VPS13B: variants seen among roughly 807,000 people sequenced by gnomAD.
VPS13B encodes intermembrane lipid transfer protein VPS13B.
A neutral mutation model predicts 426.4 loss-of-function variants in VPS13B; 285 were observed. That is an observed-to-expected ratio of 0.67 (90% CI 0.61 to 0.74). The LOEUF is 0.74. VPS13B is among the 30% of genes least tolerant of loss of function. The probability of loss-of-function intolerance (pLI) is 0.00; values close to 1 mark genes in which losing one functional copy is unlikely to be tolerated. For missense variants in VPS13B, 4,537 were observed against 4,782.6 expected (o/e 0.95, Z 1.51); for synonymous variants, 1,676 against 1,676.4 (o/e 1.00, Z 0.01).
rs938550926 is a variant in VPS13B, at chr8:99,051,000, A to G, written c.291+12434A>G. Among the ~76,000 whole-genome samples, 18 of 152,150 alleles carry G rather than the reference A, an allele frequency of 1.2e-4. No individual in the cohort carries two copies. In the East Asian group the frequency reaches 1.4e-3, roughly 11 times the overall value. On this transcript the variant is annotated intron_variant, in intron 3 of 61. Coordinates refer to ENST00000357162, the MANE Select transcript of VPS13B (RefSeq NM_152564.5). ...TAGGTTGTCTGTTCACTCTGATGGT[A>G]GTTTCTTTTGCTGTGCAGAAGCTCT... is the stretch of plus-strand genomic sequence containing the variant.
intron 22 of VPS13B, among the ~76,000 whole-genome samples, chr8:99,435,833 G>A (rs966052685): frequency 6.6e-6 from 1 of 152,014 alleles, no homozygotes; most frequent in Non-Finnish European, 1.5e-5. Context: ...GGGCAAATAG[G>A]GATTTTGAAT....
At chr8:99,384,038 G>C (rs1813981314) in intron 19 of VPS13B, among the ~76,000 whole-genome samples, 170 bp from the exon 20 acceptor site, 1 of 152,152 alleles carries the variant, frequency 6.6e-6, no homozygotes, top group Admixed American at 6.6e-5. Context: ...GGGTGTACCA[G>C]TTTACATTCC....
At chr8:99,852,378 G>A (rs1414705123) in intron 55 of VPS13B, among the ~76,000 whole-genome samples, 1 of 152,204 alleles carries the variant, frequency 6.6e-6, no homozygotes, top group Non-Finnish European at 1.5e-5. Flanking sequence ...GACTGGATGA[G>A]ATCCCCAAGG....
intron 54 of VPS13B, among the ~76,000 whole-genome samples, chr8:99,845,837 G>C (rs986831025): frequency 6.6e-6 from 1 of 152,186 alleles, no homozygotes; most frequent in Non-Finnish European, 1.5e-5. Flanking sequence ...GGAGAGATAT[G>C]TAAGTAAATG....
At chr8:99,371,745 C>G (rs1267824056) in intron 19 of VPS13B, among the ~76,000 whole-genome samples, 2 of 152,094 alleles carry the variant, frequency 1.3e-5, no homozygotes, top group African/African-American at 4.8e-5. Context: ...CTCTTATTTC[C>G]TTGAGCAGTG....
At chr8:99,875,307 T>C (rs1316370034) in intron 61 of VPS13B, 111 bp from the exon 62 acceptor site, 20 of 1,433,140 alleles carry the variant, frequency 1.4e-5, no homozygotes, top group East Asian at 6.8e-5. Context: ...ATGGCTTTAA[T>C]AGATGACCTA....
chr8:99,871,191 A>G, intron 60 of VPS13B: 1 of 615,130 alleles, frequency 1.6e-6, no homozygotes, highest in Non-Finnish European at 2.8e-6. Flanking sequence ...CACTCTAATT[A>G]GAGGTGCTAT....
chr8:99,831,012 G>T (rs1476804620), intron 51 of VPS13B, among the ~76,000 whole-genome samples: 1 of 151,358 alleles, frequency 6.6e-6, no homozygotes, highest in East Asian at 1.9e-4. Context: ...TGTTGGTCTC[G>T]CTGGGAGCTG....
chr8:99,539,279 A>G (rs1327267129), intron 30 of VPS13B, among the ~76,000 whole-genome samples: 1 of 152,230 alleles, frequency 6.6e-6, no homozygotes, highest in Non-Finnish European at 1.5e-5. Context: ...ATCTTGCAGC[A>G]TATTAAAATA....
chr8:99,044,403 T>C (rs1843112284), intron 3 of VPS13B, among the ~76,000 whole-genome samples: 1 of 106,958 alleles, frequency 9.3e-6, no homozygotes, highest in Non-Finnish European at 2.0e-5. Flanking sequence ...TTTTTTAAAA[T>C]AAGTCAATGT....
At chr8:99,815,246 A>C (rs965788165) in intron 44 of VPS13B, among the ~76,000 whole-genome samples, 16 of 152,200 alleles carry the variant, frequency 1.1e-4, no homozygotes, top group African/African-American at 3.9e-4. Flanking sequence ...AGGAGAGCCA[A>C]TGTGTAGCTC....
intron 30 of VPS13B, among the ~76,000 whole-genome samples, chr8:99,552,260 T>G (rs1245929639): frequency 6.6e-6 from 1 of 152,064 alleles, no homozygotes; most frequent in Non-Finnish European, 1.5e-5. Context: ...TATTTTATAT[T>G]TTATGTTTGC....
At chr8:99,429,270 TAAAGTA>T (rs1353607510) in intron 21 of VPS13B, among the ~76,000 whole-genome samples, 1 of 145,170 alleles carries the variant, frequency 6.9e-6, no homozygotes, top group African/African-American at 2.6e-5. Flanking sequence ...CCCTAAAACT[TAAAGTA>T]TAATAACCAA....
At position 99,821,427 on chromosome 8, in the gene VPS13B, A is replaced by G. The variant is rs778973890; in HGVS notation, c.9128A>G (p.Glu3043Gly). 3.1e-6 allele frequency: 5 copies of G among 1,613,898 alleles called. No individual in the cohort carries two copies. In the Admixed American group the frequency reaches 8.3e-5, roughly 27 times the overall value. Residue 3043 changes from glutamate to glycine, a missense_variant, in exon 50 of 62, where the codon GAA becomes GGA. Glu to Gly is a moderately conservative substitution (Grantham distance 98). Transcript: ENST00000357162. ...GGNGEVVTLD[E>G]EAFVDTEIRL... ...AATGGTGAAGTTGTGACACTGGATG[A>G]AGAAGCGTTTGTTGATACTGAAATA...
intron 19 of VPS13B, among the ~76,000 whole-genome samples, chr8:99,306,114 A>T (rs1239433478): frequency 6.6e-6 from 1 of 152,152 alleles, no homozygotes; most frequent in Non-Finnish European, 1.5e-5. Flanking sequence ...ATTTAAGGGC[A>T]TCTGGCAACT....
intron 34 of VPS13B, among the ~76,000 whole-genome samples, chr8:99,647,331 G>A (rs899867393): frequency 6.6e-6 from 1 of 152,134 alleles, no homozygotes; most frequent in Non-Finnish European, 1.5e-5. Context: ...GGAGGCCGAG[G>A]TGGGCAGATC....
intron 43 of VPS13B, among the ~76,000 whole-genome samples, chr8:99,787,799 C>G (rs2130713963): frequency 6.6e-6 from 1 of 152,188 alleles, no homozygotes; most frequent in Non-Finnish European, 1.5e-5. Context: ...ATAGAGAGCA[C>G]TGTTGGTTAA....
intron 17 of VPS13B, among the ~76,000 whole-genome samples, chr8:99,214,769 A>G (rs1815295350): frequency 6.6e-6 from 1 of 152,132 alleles, no homozygotes; most frequent in Non-Finnish European, 1.5e-5. Context: ...TCTATTGTCT[A>G]TTTTGTACCA....
chr8:99,155,337 A>C (rs1019139277), intron 14 of VPS13B, among the ~76,000 whole-genome samples: 1 of 152,192 alleles, frequency 6.6e-6, no homozygotes, highest in Non-Finnish European at 1.5e-5. Flanking sequence ...ATTATATACT[A>C]TATGATTTCA....
Sources: allele counts gnomAD v4.1 joint callset (sites outside exome capture counted in the v4.1 genomes callset), GRCh38; gene constraint gnomAD v4.1.1; transcripts MANE v1.5; gene names NCBI Gene and HGNC (gene_info 2026-07-23, HGNC 2026-07-21).